L1CAM: variants seen among roughly 807,000 people sequenced by gnomAD.
L1CAM encodes the protein neural cell adhesion molecule L1.
Under a neutral mutation model 93.0 loss-of-function variants are expected in L1CAM, and 8 were observed. The observed-to-expected ratio is 0.09, with a 90% CI of 0.05 to 0.16. The LOEUF is 0.16. Among genes scored for constraint, L1CAM ranks in the 10% least tolerant of loss-of-function variants. The pLI is 1.00. For missense variants in L1CAM, 777 were observed against 1,073.4 expected (o/e 0.72, Z 3.86); for synonymous variants, 453 against 453.0 (o/e 1.00, Z 0.00).
At chrX:153,880,304 G>A in intron 1 of L1CAM, 1 of 151,066 alleles carries the variant, frequency 6.6e-6, no homozygotes, top group Non-Finnish European at 1.3e-5. Flanking sequence ...ACCTCCAGCG[G>A]TGCCCTGCAC....
At position 153,875,736 on chromosome X, in the gene L1CAM, G is replaced by A. The variant is rs782072945; in HGVS notation, c.76+25C>T. The A allele has an allele frequency of 6.8e-6, 8 of 1,184,786 alleles. No homozygotes were observed. The Admixed American group carries it at 1.5e-4, about 23-fold the overall frequency. On this transcript the variant is annotated intron_variant, in intron 2 of 28. Coordinates refer to ENST00000370060, the MANE Select transcript of L1CAM (RefSeq NM_001278116.2). ...GCCCAACATAGCGGCGAAGGTAGGC[G>A]CCCAGGCTCCCTTCAGCTACTCACA...
At chrX:153,870,295 C>T (rs2064756235) in intron 8 of L1CAM, 55 bp from the exon 9 acceptor site, 1 of 1,186,180 alleles carries the variant, frequency 8.4e-7, no homozygotes, top group Non-Finnish European at 1.1e-6. Flanking sequence ...AGGCCAATCA[C>T]CCCAGCCCCC....
At chrX:153,880,578 C>T in intron 1 of L1CAM, 2 of 333,088 alleles carry the variant, frequency 6.0e-6, no homozygotes, top group Non-Finnish European at 1.2e-5. Flanking sequence ...GCTTCTGTGC[C>T]TGTTGGTGTG....
In L1CAM at chrX:153,870,937, C is replaced by T. The variant is rs782698098; in HGVS notation, c.547G>A (p.Glu183Lys). The stretch of plus-strand genomic sequence containing the variant: ...CCGTTCTGGCCCATCGTCACCCGCT[C>T]GTCCTGCTTGATGTGCAAGATCTCT... The part of the protein sequence containing the change: ...NSKILHIKQD[E>K]RVTMGQNGNL... Residue 183 changes from glutamate to lysine, a missense_variant, in exon 7 of 29, where the codon GAG becomes AAG. Physicochemically the swap from Glu to Lys is moderately conservative, Grantham distance 56. Around this residue, in one of 5 missense-constraint regions of L1CAM, gnomAD observed 574 missense variants for 781.0 expected, o/e 0.73. Transcript: ENST00000370060. 1.4e-5 allele frequency: 17 copies of T among 1,208,816 alleles called. No individual in the cohort carries two copies. The highest frequency in any genetic ancestry group is 2.3e-4 in the Middle Eastern group (1 of 4,376).
chrX:153,869,400 C>A, intron 11 of L1CAM, 120 bp downstream of exon 11: 1 of 818,258 alleles, frequency 1.2e-6, no homozygotes, highest in Non-Finnish European at 1.8e-6. Context: ...GGAGAAAGGT[C>A]GGCGCCAGCC....
chrX:153,885,514 G>A (rs1416543384), intron 1 of L1CAM: 29 of 681,527 alleles, frequency 4.3e-5, no homozygotes, highest in Non-Finnish European at 5.0e-5. Flanking sequence ...TGGGGCGGAG[G>A]GGCAGGCAGC....
chrX:153,879,153 G>A (rs187403264), intron 1 of L1CAM, among the ~76,000 whole-genome samples: 1 of 111,102 alleles, frequency 9.0e-6, no homozygotes, highest in African/African-American at 3.3e-5. Context: ...GAGCGGGGAG[G>A]GGGGAGTGTT....
At chrX:153,863,577 T>C (rs2064682933) in intron 26 of L1CAM, 28 bp from the exon 27 acceptor site, 1 of 1,169,738 alleles carries the variant, frequency 8.5e-7, no homozygotes, top group African/African-American at 1.8e-5. Context: ...GACAGCTTCT[T>C]CTCCCGCCCC....
In L1CAM at chrX:153,864,168, G is replaced by A; in HGVS notation, c.3323-151C>T. On this transcript the variant is annotated intron_variant, in intron 25 of 28. Coordinates refer to ENST00000370060, the MANE Select transcript of L1CAM (RefSeq NM_001278116.2). ...CATCTGCGGAAAGGGTATGAAAGGG[G>A]GCTGATTCGGGGACACCCAGATTCT... 12 of 1,003,820 alleles carry A rather than the reference G, an allele frequency of 1.2e-5. No homozygotes were observed. In the South Asian group the frequency reaches 2.1e-4, roughly 18 times the overall value. 82.7% of individuals were successfully genotyped at this position (1,003,820 alleles called of 1,213,427 possible).
intron 1 of L1CAM, among the ~76,000 whole-genome samples, chrX:153,878,371 G>C (rs1297716391): frequency 8.8e-6 from 1 of 113,319 alleles, no homozygotes; most frequent in African/African-American, 3.2e-5. Flanking sequence ...GGGTGGTGGA[G>C]AAGCAGCAGG....
intron 1 of L1CAM, among the ~76,000 whole-genome samples, chrX:153,877,409 C>T (rs1482666393): frequency 9.6e-6 from 1 of 103,966 alleles, no homozygotes; most frequent in Non-Finnish European, 1.9e-5. Context: ...TTGCGGTGAG[C>T]GGAGATTGCG....
intron 11 of L1CAM, chrX:153,869,260 C>A (rs2064744701): frequency 2.2e-6 from 1 of 456,701 alleles, no homozygotes; most frequent in African/African-American, 2.4e-5. Flanking sequence ...GGAGAGGTGC[C>A]ACCTGGGCTG....
At chrX:153,871,471 G>C (rs975809664) in intron 5 of L1CAM, among the ~76,000 whole-genome samples, 2 of 110,154 alleles carry the variant, frequency 1.8e-5, no homozygotes, top group African/African-American at 6.6e-5. Flanking sequence ...AAGGACGGGT[G>C]GGGGGAGGCT....
At chrX:153,885,789 G>T in intron 1 of L1CAM, 1 of 798,974 alleles carries the variant, frequency 1.3e-6, no homozygotes, top group Non-Finnish European at 1.5e-6. Context: ...GACGCCCCCC[G>T]CCCTGTTCTC....
At chrX:153,866,120 A>G (rs1603274479) in intron 19 of L1CAM, among the ~76,000 whole-genome samples, 1 of 111,020 alleles carries the variant, frequency 9.0e-6, no homozygotes, top group East Asian at 2.8e-4. Context: ...TTCGAGACCA[A>G]CCTGATCAAC....
At chrX:153,870,320 G>C in intron 8 of L1CAM, 68 bp downstream of exon 8, 1 of 1,176,291 alleles carries the variant, frequency 8.5e-7, no homozygotes, top group Non-Finnish European at 1.2e-6. Context: ...CCCCGCGGTG[G>C]TCTGAGCTCC....
chrX:153,872,114 C>T (rs199731703), intron 5 of L1CAM, 38 bp downstream of exon 5: 61 of 1,124,079 alleles, frequency 5.4e-5, no homozygotes, highest in Non-Finnish European at 7.2e-5. Context: ...ACACGAACTC[C>T]GGGACCTGCC....
rs1480378779 is a variant in L1CAM at position 153,868,178 on chromosome X, C to G, written c.1704-56G>C. Reference sequence around the variant, plus strand: ...CATCTGGGCTCTTCTCCCCTCCCATCCCTCCCTCCTGTCTCCTTCCCCCGC... The same window carrying G: ...CATCTGGGCTCTTCTCCCCTCCCATGCCTCCCTCCTGTCTCCTTCCCCCGC... On this transcript the variant is annotated intron_variant, in intron 14 of 28. Coordinates refer to ENST00000370060, the MANE Select transcript of L1CAM (RefSeq NM_001278116.2). The G allele has an allele frequency of 4.6e-6, 5 of 1,087,839 alleles. No homozygotes were observed. In the East Asian group the frequency reaches 1.7e-4, roughly 37 times the overall value. The allele number at this position is 1,087,839 out of a possible 1,213,427, so 89.7% of individuals were successfully genotyped here. A position where few individuals can be genotyped will look rare whatever the true frequency, so the allele number is the denominator to read the frequency against.
chrX:153,871,007 ACCC>A (rs782546423), intron 6 of L1CAM, 47 bp from the exon 7 acceptor site: 1 of 1,209,787 alleles, frequency 8.3e-7, no homozygotes, highest in East Asian at 3.0e-5. Context: ...CCAGGAAGAC[ACCC>A]CCGCTAACAC....
Sources: gnomAD v4.1 joint callset for allele counts (sites outside exome capture counted in the v4.1 genomes callset) on GRCh38, gnomAD v4.1.1 for gene constraint, gnomAD v4.1.1 regional missense constraint, MANE v1.5 for transcripts, NCBI Gene and HGNC (gene_info 2026-07-23, HGNC 2026-07-21) for gene names.